Variants in BZW2 observed in about 807,000 individuals in gnomAD.
BZW2 encodes the protein basic leucine zipper and W2 domains 2.
In BZW2, 23 loss-of-function variants were observed where a neutral mutation model predicts 53.2. The observed-to-expected ratio is 0.43, with a 90% CI of 0.31 to 0.61. The LOEUF (loss-of-function observed/expected upper bound fraction) is 0.61, where lower values mean the gene tolerates loss of function less well. Ranked by LOEUF, BZW2 falls within the 20% of genes least tolerant of loss-of-function variation. The probability of loss-of-function intolerance (pLI) is 0.09; values close to 1 mark genes in which losing one functional copy is unlikely to be tolerated. For missense variants in BZW2, 409 were observed against 503.1 expected, an observed-to-expected ratio of 0.81 and a Z score of 1.79; for synonymous variants, 227 against 186.4, an observed-to-expected ratio of 1.22 and a Z score of -1.77.
At chr7:16,687,885 G>A (rs1052719232) in intron 6 of BZW2, among the ~76,000 whole-genome samples, 2 of 152,112 alleles carry the variant, frequency 1.3e-5, no homozygotes, top group East Asian at 1.9e-4. Context: ...TTTTCTTTAC[G>A]ATACAGATTA....
Position 16,655,302 on chromosome 7 carries a change from C to G in BZW2, c.-8+9014C>G, listed in dbSNP as rs529026944. 6.6e-5 allele frequency among the ~76,000 whole-genome samples: 10 copies of G among 152,148 alleles called. No individual in the cohort carries two copies. The South Asian group carries it at 1.9e-3, about 28-fold the overall frequency. On this transcript the variant is annotated intron_variant, in intron 1 of 11. Transcript: ENST00000258761. Reference sequence around the variant, plus strand: ...GAAGCATTATTAGTTCATAGTTTTTCTTTATTGAAGGAAGAAATTACTTTG... The same window carrying G: ...GAAGCATTATTAGTTCATAGTTTTTGTTTATTGAAGGAAGAAATTACTTTG...
intron 7 of BZW2, among the ~76,000 whole-genome samples, chr7:16,693,260 C>T (rs1371259073): frequency 6.6e-6 from 1 of 152,054 alleles, no homozygotes; most frequent in South Asian, 2.1e-4. Flanking sequence ...AAATACAAAC[C>T]ATGTTCCAAG....
chr7:16,694,934 C>T lies in BZW2; in HGVS notation c.752C>T (p.Ser251Phe). 1 of 1,597,754 alleles carries T rather than the reference C, an allele frequency of 6.3e-7. No individual in the cohort carries two copies. The highest frequency in any genetic ancestry group is 1.1e-5 in the South Asian group (1 of 89,740). ...ELSDFLRVQQ[S>F]LGTRKELQKE... is the part of the protein sequence containing the mutation. ...TCCGACTTCCTCCGAGTCCAGCAGT[C>T]CCTGGGCACCAGGAAGGAACTGCAG... The change falls in exon 8 of 12, where the codon TCC becomes TTC. Residue 251 changes from serine to phenylalanine, a missense_variant. This residue lies in a region of BZW2 where 316 missense variants were observed against 366.8 expected (regional missense o/e 0.86). Transcript: ENST00000258761.
intron 1 of BZW2, among the ~76,000 whole-genome samples, chr7:16,664,927 T>C (rs182719899): frequency 2.1e-4 from 32 of 152,320 alleles, no homozygotes; most frequent in African/African-American, 7.2e-4. Context: ...TTGGTGTCTG[T>C]GGTTGTTTTT....
At chr7:16,673,251 T>G (rs563912469) in intron 2 of BZW2, among the ~76,000 whole-genome samples, 4 of 152,282 alleles carry the variant, frequency 2.6e-5, no homozygotes, top group African/African-American at 9.6e-5. Context: ...CGGCCTTGTC[T>G]TATCCACTTT....
intron 7 of BZW2, among the ~76,000 whole-genome samples, chr7:16,690,926 C>T (rs1255121128): frequency 6.6e-6 from 1 of 152,220 alleles, no homozygotes; most frequent in East Asian, 1.9e-4. Context: ...GCGCTGCCAT[C>T]TCTTCACCTG....
intron 1 of BZW2, among the ~76,000 whole-genome samples, chr7:16,649,358 C>T (rs1015888904): frequency 4.6e-5 from 7 of 152,148 alleles, no homozygotes; most frequent in African/African-American, 1.4e-4. Flanking sequence ...TTGACTAATC[C>T]TTCCTGGCAA....
chr7:16,698,813 T>C (rs34498661), intron 10 of BZW2, among the ~76,000 whole-genome samples: 2 of 152,210 alleles, frequency 1.3e-5, no homozygotes, highest in African/African-American at 4.8e-5. Context: ...GGCTATTTTT[T>C]GGGCCTACAT....
intron 2 of BZW2, among the ~76,000 whole-genome samples, chr7:16,670,466 CATGTGG>C (rs1407540398): frequency 6.6e-6 from 1 of 152,196 alleles, no homozygotes; most frequent in Non-Finnish European, 1.5e-5. Flanking sequence ...AACATCCAAC[CATGTGG>C]TAGGGCCTTT....
At chr7:16,659,863 T>TA (rs1272415533) in intron 1 of BZW2, among the ~76,000 whole-genome samples, 2 of 151,296 alleles carry the variant, frequency 1.3e-5, no homozygotes, top group South Asian at 2.1e-4. Context: ...TTTTTTTTTT[T>TA]ATTATACTTT....
intron 7 of BZW2, among the ~76,000 whole-genome samples, chr7:16,694,432 G>A (rs62440999): frequency 0.022 from 3,294 of 152,166 alleles, 48 homozygotes; most frequent in Non-Finnish European, 0.032. Flanking sequence ...ATCACATGGC[G>A]AGGGGGCTGA....
chr7:16,673,514 A>T (rs1336434725), intron 2 of BZW2, among the ~76,000 whole-genome samples: 1 of 152,188 alleles, frequency 6.6e-6, no homozygotes, highest in East Asian at 1.9e-4. Context: ...AAACAGTACT[A>T]TCCTTCTCAC....
At chr7:16,685,101 T>C (rs1260644458) in intron 5 of BZW2, among the ~76,000 whole-genome samples, 1 of 152,154 alleles carries the variant, frequency 6.6e-6, no homozygotes, top group African/African-American at 2.4e-5. Context: ...CAGTAGAATG[T>C]AGTCAAAGCA....
Position 16,696,936 on chromosome 7 carries a change from G to C in BZW2, c.844G>C (p.Glu282Gln). 1.2e-6 allele frequency: 2 copies of C among 1,614,084 alleles called. No homozygotes were observed. The highest frequency in any genetic ancestry group is 1.7e-6 in the Non-Finnish European group (2 of 1,179,970). Reference protein sequence around the residue: ...IKEVVLYVKEEMKRNDLPETA... With the variant: ...IKEVVLYVKEQMKRNDLPETA... ...GTAGGTGGTGCTTTATGTCAAAGAA[G>C]AAATGAAGAGGAATGATCTTCCAGA... Residue 282 changes from glutamate to glutamine, a missense_variant, in exon 9 of 12, where the codon GAA (glutamate) becomes CAA (glutamine). By Grantham distance (29) the Glu-to-Gln change is conservative. This residue lies in a region of BZW2 where 316 missense variants were observed against 366.8 expected (regional missense o/e 0.86). Coordinates refer to ENST00000258761, the MANE Select transcript of BZW2 (RefSeq NM_014038.3).
Position 16,685,994 on chromosome 7 carries a change from C to G in BZW2, c.495C>G (p.Pro165=), listed in dbSNP as rs543734251. The G allele has an allele frequency of 1.9e-6, 3 of 1,607,120 alleles. No homozygotes were observed. The highest frequency in any genetic ancestry group is 3.4e-5 in the Admixed American group (2 of 59,252). Residue 165 remains proline (P), a synonymous_variant, in exon 6 of 12, where the codon CCC becomes CCG. Coordinates refer to ENST00000258761, the MANE Select transcript of BZW2 (RefSeq NM_014038.3). ...SGILLGNGTL[P]ATILTSLFTD... is the part of the protein sequence containing the mutation. ...TTCTGCTGGGCAATGGCACCCTGCC[C>G]GCCACCATCCTCACCAGTCTCTTCA...
intron 6 of BZW2, among the ~76,000 whole-genome samples, chr7:16,687,875 T>A (rs1783176990): frequency 1.3e-5 from 2 of 152,170 alleles, no homozygotes; most frequent in African/African-American, 4.8e-5. Context: ...CAAGCGTAGT[T>A]TTTCTTTACG....
At chr7:16,676,364 C>T (rs772111536) in intron 3 of BZW2, among the ~76,000 whole-genome samples, 1 of 152,020 alleles carries the variant, frequency 6.6e-6, no homozygotes, top group African/African-American at 2.4e-5. Flanking sequence ...GCCTGACCAA[C>T]GTGGAGAAAC....
intron 1 of BZW2, among the ~76,000 whole-genome samples, chr7:16,649,899 A>T (rs1301554060): frequency 1.3e-5 from 2 of 152,198 alleles, no homozygotes; most frequent in East Asian, 1.9e-4. Flanking sequence ...AAGATGGGTG[A>T]TGAGTATATT....
intron 7 of BZW2, among the ~76,000 whole-genome samples, chr7:16,693,737 A>G (rs372043429): frequency 8.5e-5 from 13 of 152,356 alleles, no homozygotes; most frequent in South Asian, 8.3e-4. Context: ...TCAGTGACGC[A>G]GTTTCAGTGT....
Sources: allele counts gnomAD v4.1 joint callset (sites outside exome capture counted in the v4.1 genomes callset), GRCh38; gene constraint gnomAD v4.1.1; regional missense constraint gnomAD v4.1.1; transcripts MANE v1.5; gene names NCBI Gene and HGNC (gene_info 2026-07-23, HGNC 2026-07-21).